MMS19: variants seen among roughly 807,000 people sequenced by gnomAD.
The protein encoded by MMS19 is MMS19 nucleotide excision repair protein homolog.
In MMS19, 77 loss-of-function variants were observed where a neutral mutation model predicts 129.8. That is an observed-to-expected ratio of 0.59 (90% confidence interval 0.49 to 0.72). The LOEUF (loss-of-function observed/expected upper bound fraction) is 0.72, where lower values mean the gene tolerates loss of function less well. Ranked by LOEUF, MMS19 falls within the 30% of genes least tolerant of loss-of-function variation. The probability of loss-of-function intolerance (pLI) is 0.00; values close to 1 mark genes in which losing one functional copy is unlikely to be tolerated. For synonymous variants in MMS19, 491 were observed against 502.8 expected, an observed-to-expected ratio of 0.98 and a Z score of 0.31; for missense variants, 1,168 against 1,266.3, an observed-to-expected ratio of 0.92 and a Z score of 1.18.
At chr10:97,465,325 C>CACTCTATTGCCCAGGCTG (rs2033211292) in intron 18 of MMS19, among the ~76,000 whole-genome samples, 1 of 151,734 alleles carries the variant, frequency 6.6e-6, no homozygotes, top group Non-Finnish European at 1.5e-5. Context: ...GATAGAGTTT[C>CACTCTATTGCCCAGGCTG]ACTCTATTGC....
chr10:97,480,816 G>C, intron 3 of MMS19, 126 bp downstream of exon 3: 2 of 706,586 alleles, frequency 2.8e-6, no homozygotes, highest in Admixed American at 4.3e-5. Flanking sequence ...GAGGAATGAA[G>C]ACCTTGAATT....
intron 1 of MMS19, among the ~76,000 whole-genome samples, chr10:97,486,861 C>CTATATATATATATATATA (rs1564694696): frequency 3.2e-4 from 5 of 15,610 alleles, no homozygotes; most frequent in South Asian, 2.3e-3. Context: ...AATTAAAGTG[C>CTATATATATATATATATA]CATATATATA....
At chr10:97,479,503 G>C (rs1190664295) in intron 3 of MMS19, among the ~76,000 whole-genome samples, 2 of 152,096 alleles carry the variant, frequency 1.3e-5, no homozygotes, top group Non-Finnish European at 2.9e-5. Context: ...CTCTACAGGG[G>C]GGAATGTTGT....
chr10:97,471,475 C>T (rs1376107041), intron 8 of MMS19, among the ~76,000 whole-genome samples: 1 of 151,938 alleles, frequency 6.6e-6, no homozygotes, highest in Non-Finnish European at 1.5e-5. Flanking sequence ...TTGCAAACTC[C>T]ACCAAAAACA....
chr10:97,470,197 G>C lies in MMS19; in HGVS notation c.778C>G (p.Leu260Val). ...TCCACTTTCTCAATCAACAGGGGCA[G>C]CAGAAACTGTGGGACAGAAGGAAGA... ...ASTPRFAEFL[L>V]PLLIEKVDSE... Residue 260 changes from leucine to valine, a missense_variant, in exon 10 of 31, where the codon CTG becomes GTG. Leu to Val is a conservative substitution (Grantham distance 32). Transcript: ENST00000438925. 6.2e-7 allele frequency: 1 copy of C among 1,605,036 alleles called. No homozygotes were observed. Among genetic ancestry groups the C allele is most frequent in the Non-Finnish European group, 8.5e-7 (1 of 1,175,318 alleles).
chr10:97,498,767 G>C (rs2040261071), upstream of MMS19: 2 of 283,254 alleles, frequency 7.1e-6, no homozygotes, highest in South Asian at 1.2e-4. Context: ...GCGCACCTGG[G>C]GCGGGTGGTG....
In MMS19 at chr10:97,458,846, T is replaced by A; in HGVS notation, c.3019A>T (p.Lys1007Ter). 6.2e-7 allele frequency: 1 copy of A among 1,613,998 alleles called. No individual in the cohort carries two copies. The part of the protein sequence containing the change: ...IRALAKPLDD[K>*]KRLVRKEAVS... The stretch of plus-strand genomic sequence containing the variant: ...GCTTCCTTGCGCACCAGTCTCTTCT[T>A]GTCATCCAGGGGTTTGGCTAAGGCC... Residue 1007 changes from lysine to a stop codon, truncating the protein, a stop_gained, in exon 30 of 31, where the codon AAG becomes TAG. Transcript: ENST00000438925. LOFTEE classifies it high-confidence loss of function.
chr10:97,462,599 T>G lies in MMS19; in HGVS notation c.1996A>C (p.Thr666Pro). 8 of 1,613,698 alleles carry G rather than the reference T, an allele frequency of 5.0e-6. No homozygotes were observed. The highest frequency in any genetic ancestry group is 6.8e-6 in the Non-Finnish European group (8 of 1,179,638). ...AMVSVIGTATTHLSPELAAQS... is the reference protein window; with the variant it reads ...AMVSVIGTATPHLSPELAAQS... ...TATACTTACTCAGGGCTCAGGTGGG[T>G]TGTAGCAGTGCCAATGACAGACACC... is the stretch of plus-strand genomic sequence containing the variant. The change falls in exon 20 of 31, where the codon ACC (threonine) becomes CCC (proline). Residue 666 changes from threonine to proline, a missense_variant. This residue lies in a region of MMS19 where 831 missense variants were observed against 910.8 expected (regional missense o/e 0.91). Coordinates refer to ENST00000438925, the MANE Select transcript of MMS19 (RefSeq NM_022362.5).
intron 1 of MMS19, among the ~76,000 whole-genome samples, chr10:97,488,641 G>A (rs1239082134): frequency 6.6e-6 from 1 of 152,214 alleles, no homozygotes; most frequent in African/African-American, 2.4e-5. Context: ...TACGCAAATA[G>A]TTGTTACATT....
At chr10:97,487,318 C>CTTTTTTTTTTTTTTTTTTT (rs201462938) in intron 1 of MMS19, among the ~76,000 whole-genome samples, 1 of 137,670 alleles carries the variant, frequency 7.3e-6, no homozygotes, top group African/African-American at 2.7e-5. Context: ...GAGAAAATTT[C>CTTTTTTTTTTTTTTTTTTT]TTTTTTTTTT....
At chr10:97,491,410 T>C (rs1379677185) in intron 1 of MMS19, among the ~76,000 whole-genome samples, 1 of 152,256 alleles carries the variant, frequency 6.6e-6, no homozygotes, top group Non-Finnish European at 1.5e-5. Context: ...CTCACGCCTA[T>C]AATCCCAGCA....
chr10:97,498,230 T>C (rs542339738), intron 1 of MMS19, 43 bp downstream of exon 1: 11 of 1,515,094 alleles, frequency 7.3e-6, no homozygotes, highest in Non-Finnish European at 9.7e-6. Flanking sequence ...CGCTCCCTCC[T>C]GTTGGCCCCC....
chr10:97,494,892 T>C (rs2039511762), intron 1 of MMS19, among the ~76,000 whole-genome samples: 3 of 152,254 alleles, frequency 2.0e-5, no homozygotes, highest in Non-Finnish European at 4.4e-5. Context: ...AAGCAGTTTT[T>C]ATTGTGTACC....
Position 97,459,703 on chromosome 10 carries a change from G to A in MMS19, c.2695C>T (p.Leu899Phe). The A allele has an allele frequency of 6.2e-7, 1 of 1,612,642 alleles. No homozygotes were observed. Among genetic ancestry groups the A allele is most frequent in the Non-Finnish European group, 8.5e-7 (1 of 1,179,342 alleles). The change falls in exon 27 of 31, where the codon CTT becomes TTT. Residue 899 changes from leucine (L) to phenylalanine (F), a missense_variant. Around this residue, in one of 3 missense-constraint regions of MMS19, gnomAD observed 831 missense variants for 910.8 expected, o/e 0.91. Transcript: ENST00000438925. The part of the protein sequence containing the change: ...PNYLKGLSHV[L>F]NRLPKPVLLP... ...AGTACAGGCTTGGGCAGCCTGTTAA[G>A]TACATGAGAAAGACCCTTCAAGTAG...
At chr10:97,468,216 G>A in intron 13 of MMS19, 36 bp downstream of exon 13, 1 of 1,510,980 alleles carries the variant, frequency 6.6e-7, no homozygotes, top group Non-Finnish European at 8.9e-7. Flanking sequence ...TAGCACACAG[G>A]TCCCATCATT....
intron 2 of MMS19, among the ~76,000 whole-genome samples, 196 bp from the exon 3 acceptor site, chr10:97,481,238 C>A (rs1027848697): frequency 3.3e-5 from 5 of 152,086 alleles, no homozygotes; most frequent in African/African-American, 9.7e-5. Context: ...GGCTTAAGAG[C>A]GATCCTCAGA....
chr10:97,472,587 A>C (rs1203271818), intron 8 of MMS19, among the ~76,000 whole-genome samples: 1 of 151,738 alleles, frequency 6.6e-6, no homozygotes, highest in Non-Finnish European at 1.5e-5. Context: ...TTAGGAGAAA[A>C]TAATTTCCAT....
At chr10:97,498,669 C>G (rs990400825), upstream of MMS19, 1 of 450,596 alleles carries the variant, frequency 2.2e-6, no homozygotes, top group Non-Finnish European at 4.0e-6. Flanking sequence ...GGGCACCTGG[C>G]TGGGTGGGGA....
At chr10:97,497,874 C>T (rs1047551283) in intron 1 of MMS19, among the ~76,000 whole-genome samples, 4 of 152,156 alleles carry the variant, frequency 2.6e-5, no homozygotes, top group African/African-American at 4.8e-5. Flanking sequence ...TGCGAGGATG[C>T]ACCTCCACAC....
Sources: allele counts gnomAD v4.1 joint callset (sites outside exome capture counted in the v4.1 genomes callset), GRCh38; gene constraint gnomAD v4.1.1; regional missense constraint gnomAD v4.1.1; transcripts MANE v1.5; gene names NCBI Gene and HGNC (gene_info 2026-07-23, HGNC 2026-07-21).